The following ULK4 variants were observed in gnomAD, a reference collection of about 807,000 sequenced individuals.
ULK4 encodes inactive serine/threonine-protein kinase ULK4.
A neutral mutation model predicts 160.6 loss-of-function variants in ULK4; 133 were observed. The observed-to-expected ratio is 0.83, with a 90% CI of 0.72 to 0.96. The LOEUF (loss-of-function observed/expected upper bound fraction) is 0.96, where lower values mean the gene tolerates loss of function less well. ULK4 is among the 40% of genes least tolerant of loss of function. The pLI, the probability that ULK4 is intolerant of heterozygous loss-of-function variation, is 0.00. For missense variants in ULK4, 1,580 were observed against 1,499.5 expected (o/e 1.05, Z -0.89); for synonymous variants, 534 against 539.8 (o/e 0.99, Z 0.15).
intron 27 of ULK4, among the ~76,000 whole-genome samples, chr3:41,692,619 C>G (rs943505493): frequency 2.0e-5 from 3 of 150,770 alleles, no homozygotes; most frequent in Non-Finnish European, 3.0e-5. Context: ...CCAGTGATCT[C>G]TATTATAAAA....
At chr3:41,749,529 T>C (rs1378613286) in intron 22 of ULK4, among the ~76,000 whole-genome samples, 1 of 152,140 alleles carries the variant, frequency 6.6e-6, no homozygotes, top group Non-Finnish European at 1.5e-5. Flanking sequence ...TGCCCAACTA[T>C]AGGCTAATGT....
At chr3:41,940,021 T>C (rs1490912900) in intron 2 of ULK4, among the ~76,000 whole-genome samples, 1 of 151,660 alleles carries the variant, frequency 6.6e-6, no homozygotes, top group African/African-American at 2.4e-5. Context: ...GGTGCCATAG[T>C]TTTTGTTGTT....
At chr3:41,902,003 T>C (rs1038000442) in intron 12 of ULK4, among the ~76,000 whole-genome samples, 1 of 152,208 alleles carries the variant, frequency 6.6e-6, no homozygotes, top group African/African-American at 2.4e-5. Context: ...AGATGGTTCT[T>C]TGTGCTCTAT....
At chr3:41,768,545 T>C (rs894316560) in intron 21 of ULK4, among the ~76,000 whole-genome samples, 6 of 152,152 alleles carry the variant, frequency 3.9e-5, no homozygotes, top group African/African-American at 1.4e-4. Context: ...GAGGTCCACA[T>C]ACAATGCAAC....
At chr3:41,802,838 C>T (rs982780543) in intron 19 of ULK4, among the ~76,000 whole-genome samples, 2 of 152,080 alleles carry the variant, frequency 1.3e-5, no homozygotes, top group African/African-American at 4.8e-5. Context: ...TGCAGGTCAA[C>T]TGTGATAAAT....
At chr3:41,516,014 T>C (rs1270578597) in intron 32 of ULK4, among the ~76,000 whole-genome samples, 1 of 152,190 alleles carries the variant, frequency 6.6e-6, no homozygotes, top group Non-Finnish European at 1.5e-5. Flanking sequence ...GCTGTATAAA[T>C]TCACTAAATT....
chr3:41,798,526 AGG>A (rs756620757), intron 20 of ULK4, among the ~76,000 whole-genome samples: 90 of 152,326 alleles, frequency 5.9e-4, no homozygotes, highest in Middle Eastern at 3.4e-3. Flanking sequence ...AAGATTATAT[AGG>A]TAACATAACT....
At chr3:41,607,815 C>T (rs1254306261) in intron 31 of ULK4, among the ~76,000 whole-genome samples, 2 of 152,182 alleles carry the variant, frequency 1.3e-5, no homozygotes, top group Non-Finnish European at 2.9e-5. Context: ...GGCATGCCTG[C>T]ATGCACACTT....
chr3:41,842,376 A>C (rs558869336), intron 17 of ULK4, among the ~76,000 whole-genome samples: 6 of 152,304 alleles, frequency 3.9e-5, no homozygotes, highest in African/African-American at 1.2e-4. Flanking sequence ...AGCTACAGTA[A>C]TGAAAACTGT....
chr3:41,861,536 GTTAT>G (rs2042496710), intron 17 of ULK4, among the ~76,000 whole-genome samples: 5 of 152,176 alleles, frequency 3.3e-5, no homozygotes, highest in African/African-American at 1.2e-4. Context: ...TCCATTTTAT[GTTAT>G]TTCTTTCTTT....
At position 41,430,600 on chromosome 3, in the gene ULK4, C is replaced by T. The variant is rs1249065304; in HGVS notation, c.3492+24897G>A. Among the ~76,000 whole-genome samples the T allele has an allele frequency of 2.6e-5, 4 of 152,140 alleles. No homozygotes were observed. The East Asian group carries it at 5.8e-4, about 22-fold the overall frequency. On this transcript the variant is annotated intron_variant, in intron 34 of 36. Coordinates refer to ENST00000301831, the MANE Select transcript of ULK4 (RefSeq NM_017886.4). The stretch of plus-strand genomic sequence containing the variant: ...TACCCCCGGGTACATTACTTCAGCA[C>T]ATTAATGAGGCTGTTCACAAAGAGA...
chr3:41,256,885 G>A (rs2078845990), intron 35 of ULK4, among the ~76,000 whole-genome samples: 1 of 152,114 alleles, frequency 6.6e-6, no homozygotes, highest in African/African-American at 2.4e-5. Flanking sequence ...TAGAAAGAGG[G>A]TCTCTGTTGC....
At chr3:41,858,783 G>A (rs887902610) in intron 17 of ULK4, among the ~76,000 whole-genome samples, 8 of 151,460 alleles carry the variant, frequency 5.3e-5, no homozygotes, top group Non-Finnish European at 8.8e-5. Flanking sequence ...GGGATTATAG[G>A]CATGAGCCAC....
intron 35 of ULK4, among the ~76,000 whole-genome samples, chr3:41,392,942 G>A (rs2081985784): frequency 6.6e-6 from 1 of 152,144 alleles, no homozygotes; most frequent in African/African-American, 2.4e-5. Context: ...TTCTGCTCGT[G>A]TTCCTTATAT....
chr3:41,315,352 A>G (rs1334865986), intron 35 of ULK4, among the ~76,000 whole-genome samples: 1 of 152,182 alleles, frequency 6.6e-6, no homozygotes, highest in Admixed American at 6.5e-5. Context: ...CAGATACTCA[A>G]GCCTAATCAT....
intron 35 of ULK4, among the ~76,000 whole-genome samples, chr3:41,363,832 G>A (rs1340160732): frequency 6.6e-6 from 1 of 152,076 alleles, no homozygotes; most frequent in Non-Finnish European, 1.5e-5. Flanking sequence ...TTCATAAAAG[G>A]GCCCTATCAG....
At chr3:41,521,744 G>T (rs1389343473) in intron 32 of ULK4, among the ~76,000 whole-genome samples, 1 of 152,168 alleles carries the variant, frequency 6.6e-6, no homozygotes, top group Non-Finnish European at 1.5e-5. Context: ...ATACATGACA[G>T]ATTTACATGT....
At chr3:41,292,669 G>C (rs532588146) in intron 35 of ULK4, among the ~76,000 whole-genome samples, 1 of 152,136 alleles carries the variant, frequency 6.6e-6, no homozygotes, top group Non-Finnish European at 1.5e-5. Flanking sequence ...AAAAAGACCA[G>C]ATGTGGTGGC....
At position 41,814,977 on chromosome 3, in the gene ULK4, C is replaced by T. The variant is rs1189793394; in HGVS notation, c.1848+4446G>A. Among the ~76,000 whole-genome samples, 5 of 142,090 alleles carry T rather than the reference C, an allele frequency of 3.5e-5. No homozygotes were observed. The South Asian group carries it at 9.0e-4, about 26-fold the overall frequency. The allele number at this position is 142,090 out of a possible 152,430, so 93.2% of individuals were successfully genotyped here. A position where few individuals can be genotyped will look rare whatever the true frequency, so the allele number is the denominator to read the frequency against. ...AGGCTGGAGTGTAGTGGTGTGATCT[C>T]AACTCACTGCAACCTCTGCCTCCCA... On this transcript the variant is annotated intron_variant, in intron 19 of 36. Coordinates refer to ENST00000301831, the MANE Select transcript of ULK4 (RefSeq NM_017886.4).
Sources: gnomAD v4.1 joint callset for allele counts (sites outside exome capture counted in the v4.1 genomes callset) on GRCh38, gnomAD v4.1.1 for gene constraint, MANE v1.5 for transcripts, NCBI Gene and HGNC (gene_info 2026-07-23, HGNC 2026-07-21) for gene names.